Variants in SRFBP1 observed in about 807,000 individuals in gnomAD.
SRFBP1 encodes serum response factor-binding protein 1.
In SRFBP1, 47 loss-of-function variants were observed where a neutral mutation model predicts 45.5. The ratio of observed to expected loss-of-function variants is 1.03; its 90% confidence interval spans 0.82 to 1.32. SRFBP1 has a LOEUF of 1.32. SRFBP1 is among the 40% of genes most tolerant of loss of function. The probability of loss-of-function intolerance (pLI) is 0.00; values close to 1 mark genes in which losing one functional copy is unlikely to be tolerated. For missense variants in SRFBP1, 621 were observed against 484.6 expected, an observed-to-expected ratio of 1.28 and a Z score of -2.64; for synonymous variants, 203 against 166.3, an observed-to-expected ratio of 1.22 and a Z score of -1.70.
chr5:122,002,622 T>G (rs1231644602), intron 4 of SRFBP1, among the ~76,000 whole-genome samples: 1 of 152,216 alleles, frequency 6.6e-6, no homozygotes, highest in East Asian at 1.9e-4. Flanking sequence ...GCATCATTAG[T>G]AGTTCATGGC....
At position 122,027,944 on chromosome 5, in the gene SRFBP1, TTACTA is replaced by T. The variant is rs1232859146; in HGVS notation, c.*823_*827del. The T allele has an allele frequency of 9.2e-5, 14 of 152,308 alleles. No homozygotes were observed. The highest frequency in any genetic ancestry group is 2.6e-4 in the Admixed American group (4 of 15,296). The allele number at this position is 152,308 out of a possible 1,614,324, so 9.4% of individuals were successfully genotyped here. Reference sequence around the variant, plus strand: ...ATCAAGAATGTATATTATCTAGTTTTTACTATACTTATTTTAAAATTTTTGAGGAA... The same window carrying T: ...ATCAAGAATGTATATTATCTAGTTTTTACTTATTTTAAAATTTTTGAGGAA... On this transcript the variant is annotated 3_prime_UTR_variant, in exon 8 of 8. Transcript: ENST00000339397.
At chr5:122,003,423 A>C (rs1023945760) in intron 4 of SRFBP1, among the ~76,000 whole-genome samples, 2 of 152,100 alleles carry the variant, frequency 1.3e-5, no homozygotes, top group Non-Finnish European at 2.9e-5. Flanking sequence ...CAAAATAATG[A>C]CACGTTGAAC....
chr5:122,019,231 A>G (rs369489513), intron 4 of SRFBP1, 29 bp from the exon 5 acceptor site: 6 of 1,569,490 alleles, frequency 3.8e-6, no homozygotes, highest in Admixed American at 1.7e-5. Flanking sequence ...TTTCATTCCC[A>G]TACGTTTATT....
At chr5:122,046,433 A>G (rs1263784560) in intron 2 of SRFBP1, among the ~76,000 whole-genome samples, 1 of 152,020 alleles carries the variant, frequency 6.6e-6, no homozygotes, top group Non-Finnish European at 1.5e-5. Context: ...CATTTTCTTA[A>G]TCCAGTCTAT....
intron 2 of SRFBP1, among the ~76,000 whole-genome samples, chr5:122,038,671 CAAAG>C: frequency 6.6e-6 from 1 of 152,000 alleles, no homozygotes; most frequent in East Asian, 1.9e-4. Context: ...GGCATAAGGA[CAAAG>C]GAAGGAAAAT....
intron 2 of SRFBP1, among the ~76,000 whole-genome samples, chr5:122,057,313 A>G (rs1341874140): frequency 6.6e-6 from 1 of 152,188 alleles, no homozygotes. Flanking sequence ...ATGAGATTCC[A>G]AAACTATCTC....
At chr5:121,980,109 A>G (rs2112824075) in intron 3 of SRFBP1, among the ~76,000 whole-genome samples, 1 of 152,260 alleles carries the variant, frequency 6.6e-6, no homozygotes. Flanking sequence ...AGATCCCAAG[A>G]CAGCTACTTT....
intron 2 of SRFBP1, among the ~76,000 whole-genome samples, chr5:122,072,641 G>A (rs187264749): frequency 1.3e-4 from 20 of 152,164 alleles, no homozygotes; most frequent in African/African-American, 3.9e-4. Flanking sequence ...TTTAAATGAA[G>A]TCCATGTGAA....
chr5:121,969,038 A>C (rs138965467), intron 1 of SRFBP1, among the ~76,000 whole-genome samples: 6 of 152,284 alleles, frequency 3.9e-5, no homozygotes, highest in African/African-American at 1.4e-4. Flanking sequence ...GCCAAAAGTC[A>C]ATTCAAGTAG....
intron 3 of SRFBP1, among the ~76,000 whole-genome samples, chr5:121,989,806 A>AGAG (rs1491545031): frequency 1.3e-5 from 2 of 152,216 alleles, no homozygotes; most frequent in Non-Finnish European, 2.9e-5. Context: ...TAAGTAAAAC[A>AGAG]GAGTAATTTA....
intron 4 of SRFBP1, 139 bp downstream of exon 4, chr5:121,994,809 C>T (rs1304358439): frequency 1.8e-6 from 1 of 546,232 alleles, no homozygotes; most frequent in Non-Finnish European, 3.2e-6. Flanking sequence ...CCATTACTGC[C>T]ACCACAAAAA....
intron 7 of SRFBP1, among the ~76,000 whole-genome samples, chr5:122,026,561 C>A (rs1022932880): frequency 6.6e-6 from 1 of 152,158 alleles, no homozygotes; most frequent in African/African-American, 2.4e-5. Flanking sequence ...GCTACATCTG[C>A]TTCATGTACA....
intron 2 of SRFBP1, among the ~76,000 whole-genome samples, chr5:122,040,652 G>A (rs1011773361): frequency 6.6e-6 from 1 of 152,136 alleles, no homozygotes; most frequent in Non-Finnish European, 1.5e-5. Context: ...TGAAATAGGT[G>A]TGAATTAGTT....
intron 1 of SRFBP1, among the ~76,000 whole-genome samples, chr5:121,972,351 C>T (rs971371390): frequency 6.6e-6 from 1 of 151,734 alleles, no homozygotes; most frequent in Non-Finnish European, 1.5e-5. Context: ...ATTTTCTCCA[C>T]ACGATTGAAA....
At chr5:122,011,735 T>G (rs764983097) in intron 4 of SRFBP1, among the ~76,000 whole-genome samples, 13 of 152,082 alleles carry the variant, frequency 8.5e-5, no homozygotes, top group Non-Finnish European at 1.8e-4. Context: ...TCAGTAAATA[T>G]AAAGAGGGAA....
At chr5:121,981,885 T>G (rs1046269822) in intron 3 of SRFBP1, among the ~76,000 whole-genome samples, 1 of 152,020 alleles carries the variant, frequency 6.6e-6, no homozygotes, top group African/African-American at 2.4e-5. Flanking sequence ...TTTACTCAAT[T>G]AATTGTTCCT....
chr5:121,976,190 G>A (rs1752299121), intron 3 of SRFBP1, among the ~76,000 whole-genome samples: 2 of 151,816 alleles, frequency 1.3e-5, no homozygotes, highest in Non-Finnish European at 2.9e-5. Flanking sequence ...CCTTTTAAAC[G>A]GATAGTAAAG....
intron 1 of SRFBP1, among the ~76,000 whole-genome samples, chr5:121,968,859 G>A (rs1240199957): frequency 1.4e-5 from 2 of 145,328 alleles, no homozygotes; most frequent in Non-Finnish European, 3.0e-5. Flanking sequence ...AGAAGTATTA[G>A]TATTCTTAGA....
chr5:121,985,184 A>T (rs968268661), intron 3 of SRFBP1, among the ~76,000 whole-genome samples: 20 of 151,870 alleles, frequency 1.3e-4, no homozygotes, highest in Non-Finnish European at 7.4e-5. Flanking sequence ...TGATAGGCAC[A>T]TTGGAGGAGG....
Sources: gnomAD v4.1 joint callset for allele counts (sites outside exome capture counted in the v4.1 genomes callset) on GRCh38, gnomAD v4.1.1 for gene constraint, MANE v1.5 for transcripts, NCBI Gene and HGNC (gene_info 2026-07-23, HGNC 2026-07-21) for gene names.